FOXRED2: variants seen among roughly 807,000 people sequenced by gnomAD.
FOXRED2 encodes the protein FAD-dependent oxidoreductase domain-containing protein 2.
A neutral mutation model predicts 52.5 loss-of-function variants in FOXRED2; 32 were observed. That is an observed-to-expected ratio of 0.61 (90% CI 0.46 to 0.82). FOXRED2 has a LOEUF of 0.82. FOXRED2 is among the 40% of genes least tolerant of loss of function. The pLI, the probability that FOXRED2 is intolerant of heterozygous loss-of-function variation, is 0.00. For missense variants in FOXRED2, 848 were observed against 937.5 expected, an observed-to-expected ratio of 0.90 and a Z score of 1.25; for synonymous variants, 405 against 398.1, an observed-to-expected ratio of 1.02 and a Z score of -0.21.
chr22:36,506,173 G>A lies in FOXRED2; in HGVS notation c.250C>T (p.Arg84Trp), dbSNP rs752553560. 2.5e-6 allele frequency: 4 copies of A among 1,614,234 alleles called. No homozygotes were observed. Among genetic ancestry groups the A allele is most frequent in the South Asian group, 1.1e-5 (1 of 91,090 alleles). ...TCGGCGTTAGCCTTGCCCGTGTACC[G>A]CTTGTTGATGCTGATGAGCTTGCGG... Reference protein sequence around the residue: ...RHRKLISINKRYTGKANAEFN... With the variant: ...RHRKLISINKWYTGKANAEFN... The change falls in exon 2 of 9, where the codon CGG becomes TGG. Residue 84 changes from arginine (R) to tryptophan (W), a missense_variant. Coordinates refer to ENST00000397224, the MANE Select transcript of FOXRED2 (RefSeq NM_001102371.2).
chr22:36,493,005 T>C (rs1056263940), intron 8 of FOXRED2, among the ~76,000 whole-genome samples: 7 of 152,232 alleles, frequency 4.6e-5, no homozygotes, highest in Non-Finnish European at 8.8e-5. Context: ...TTGGAGGGTT[T>C]TGGCTCCCAG....
intron 7 of FOXRED2, among the ~76,000 whole-genome samples, chr22:36,495,296 CG>C (rs1048488763): frequency 1.3e-5 from 2 of 152,150 alleles, no homozygotes; most frequent in African/African-American, 4.8e-5. Flanking sequence ...GACCTGCACC[CG>C]TCACTGCTAC....
In FOXRED2 at chr22:36,487,209, T is replaced by A. The variant is rs1041734635; in HGVS notation, c.*2799A>T. On this transcript the variant is annotated 3_prime_UTR_variant, in exon 9 of 9. Transcript: ENST00000397224. ...CATACATTTTCTCAGCAAGGCAATT[T>A]TACTTCTATACAAGAGTGCGTCTCA... The A allele has an allele frequency of 6.6e-6, 1 of 152,258 alleles. No individual in the cohort carries two copies. 9.4% of individuals were successfully genotyped at this position (152,258 alleles called of 1,614,324 possible).
rs1934131003 is a variant in FOXRED2 at position 36,504,255 on chromosome 22, C to T, written c.892G>A (p.Val298Ile). 6.2e-7 allele frequency: 1 copy of T among 1,614,210 alleles called. No homozygotes were observed. Residue 298 changes from valine to isoleucine, a missense_variant, in exon 4 of 9, where the codon GTC (valine) becomes ATC (isoleucine). Coordinates refer to ENST00000397224, the MANE Select transcript of FOXRED2 (RefSeq NM_001102371.2). ...ILKDSKGKFH[V>I]TPKFFLEEAN... Reference sequence around the variant, plus strand: ...TCTTCCAGGAAGAATTTCGGGGTGACATGGAACTTGCCTTTGCTGTCCTTC... The same window carrying T: ...TCTTCCAGGAAGAATTTCGGGGTGATATGGAACTTGCCTTTGCTGTCCTTC...
Position 36,493,702 on chromosome 22 carries a change from C to A in FOXRED2, c.1726G>T (p.Gly576Trp). ...AAGCGCCTCAGAGGTAGGATGTGCCCGATCGGGGCAGTCCAGTCTGTTAAG... is the reference window on the plus strand; with the variant it reads ...AAGCGCCTCAGAGGTAGGATGTGCCAGATCGGGGCAGTCCAGTCTGTTAAG... ...DFLTDWTAPI[G>W]HILPLRRFLE... The change falls in exon 8 of 9, where the codon GGG (glycine) becomes TGG (tryptophan). Residue 576 changes from glycine to tryptophan, a missense_variant. Coordinates refer to ENST00000397224, the MANE Select transcript of FOXRED2 (RefSeq NM_001102371.2). 2 of 1,614,176 alleles carry A rather than the reference C, an allele frequency of 1.2e-6. No individual in the cohort carries two copies. Among genetic ancestry groups the A allele is most frequent in the Non-Finnish European group, 1.7e-6 (2 of 1,180,018 alleles).
chr22:36,490,048 G>A lies in FOXRED2; in HGVS notation c.2015C>T (p.Pro672Leu), dbSNP rs1356844806. 6 of 1,609,282 alleles carry A rather than the reference G, an allele frequency of 3.7e-6. No homozygotes were observed. The highest frequency in any genetic ancestry group is 4.2e-6 in the Non-Finnish European group (5 of 1,176,790). Residue 672 changes from proline to leucine, a missense_variant, in exon 9 of 9, where the codon CCT (proline) becomes CTT (leucine). By Grantham distance (98) the Pro-to-Leu change is moderately conservative. Transcript: ENST00000397224. ...GTTGCTATCGACGGACTGAGCCAGA[G>A]GCCCTGGAGCCAGGGGGGAACCTAG... Reference protein sequence around the residue: ...EPLGSPLAPGPLAQSVDSNKE... With the variant: ...EPLGSPLAPGLLAQSVDSNKE...
rs540812562 is a variant in FOXRED2 at position 36,489,651 on chromosome 22, G to T, written c.*357C>A. The T allele has an allele frequency of 1.4e-5, 3 of 211,668 alleles. No homozygotes were observed. The East Asian group carries it at 3.1e-4, about 22-fold the overall frequency. The allele number at this position is 211,668 out of a possible 1,614,324, so 13.1% of individuals were successfully genotyped here. ...CCCCTGTGAAGCACTCCACAGGCGG[G>T]ATGCAGGCCCATCTGAGGAGGGGCT... is the stretch of plus-strand genomic sequence containing the variant. On this transcript the variant is annotated 3_prime_UTR_variant, in exon 9 of 9. Coordinates refer to ENST00000397224, the MANE Select transcript of FOXRED2 (RefSeq NM_001102371.2).
intron 8 of FOXRED2, among the ~76,000 whole-genome samples, chr22:36,492,615 C>T (rs1933784414): frequency 1.3e-5 from 2 of 152,138 alleles, no homozygotes; most frequent in African/African-American, 2.4e-5. Context: ...CGGGTTCAAG[C>T]GATTCTCCTG....
In FOXRED2 at chr22:36,489,721, C is replaced by G. The variant is rs1933699036; in HGVS notation, c.*287G>C. 2 of 350,134 alleles carry G rather than the reference C, an allele frequency of 5.7e-6. No homozygotes were observed. The highest frequency in any genetic ancestry group is 4.4e-5 in the Admixed American group (1 of 22,502). 21.7% of individuals were successfully genotyped at this position (350,134 alleles called of 1,614,324 possible). A position where few individuals can be genotyped will look rare whatever the true frequency, so the allele number is the denominator to read the frequency against. ...TGAGACGGGGCAGAACTGGGCTGGC[C>G]TGGGGCTCAGCGACAGCTCCATTGC... is the stretch of plus-strand genomic sequence containing the variant. On this transcript the variant is annotated 3_prime_UTR_variant, in exon 9 of 9. Transcript: ENST00000397224.
At chr22:36,505,814 C>A in intron 2 of FOXRED2, 82 bp downstream of exon 2, 1 of 1,430,938 alleles carries the variant, frequency 7.0e-7, no homozygotes, top group East Asian at 2.3e-5. Context: ...CCATTCCTCC[C>A]ATACCTACTG....
Position 36,506,292 on chromosome 22 carries a change from T to C in FOXRED2, c.131A>G (p.Gln44Arg), listed in dbSNP as rs1363512072. Residue 44 changes from glutamine (Q) to arginine (R), a missense_variant, in exon 2 of 9, where the codon CAG becomes CGG. By Grantham distance (43) the Gln-to-Arg change is conservative. Coordinates refer to ENST00000397224, the MANE Select transcript of FOXRED2 (RefSeq NM_001102371.2). ...CVLGAGPAGLQMAYFLQRAGR... is the reference protein window; with the variant it reads ...CVLGAGPAGLRMAYFLQRAGR... ...AGCGCGCTGCAGGAAGTAGGCCATCTGCAGGCCCGCGGGCCCAGCGCCCAG... is the reference window on the plus strand; with the variant it reads ...AGCGCGCTGCAGGAAGTAGGCCATCCGCAGGCCCGCGGGCCCAGCGCCCAG... 2 of 1,589,278 alleles carry C rather than the reference T, an allele frequency of 1.3e-6. No individual in the cohort carries two copies. The highest frequency in any genetic ancestry group is 1.7e-6 in the Non-Finnish European group (2 of 1,168,742).
At position 36,489,765 on chromosome 22, in the gene FOXRED2, A is replaced by T. The variant is rs1933700103; in HGVS notation, c.*243T>A. On this transcript the variant is annotated 3_prime_UTR_variant, in exon 9 of 9. Coordinates refer to ENST00000397224, the MANE Select transcript of FOXRED2 (RefSeq NM_001102371.2). ...CCATTGCAGACAAACTGGGCTGGGG[A>T]AGGCAGCTCCCACCTGGCAGAGGAT... is the stretch of plus-strand genomic sequence containing the variant. 2.3e-6 allele frequency: 1 copy of T among 433,346 alleles called. No homozygotes were observed. Among genetic ancestry groups the T allele is most frequent in the South Asian group, 4.3e-5 (1 of 23,026 alleles). The allele number at this position is 433,346 out of a possible 1,614,324, so 26.8% of individuals were successfully genotyped here.
chr22:36,493,066 C>T (rs1259142970), intron 8 of FOXRED2, among the ~76,000 whole-genome samples: 2 of 152,212 alleles, frequency 1.3e-5, no homozygotes, highest in African/African-American at 4.8e-5. Context: ...ACAGGCCTCC[C>T]ATCCTGCTCC....
Position 36,504,232 on chromosome 22 carries a change from T to C in FOXRED2, c.915A>G (p.Glu305=), listed in dbSNP as rs760841639. 2 of 1,614,202 alleles carry C rather than the reference T, an allele frequency of 1.2e-6. No individual in the cohort carries two copies. Among genetic ancestry groups the C allele is most frequent in the African/African-American group, 1.3e-5 (1 of 75,060 alleles). Residue 305 remains glutamate (E), a synonymous_variant, in exon 4 of 9, where the codon GAA becomes GAG. Transcript: ENST00000397224. Reference sequence around the variant, plus strand: ...CGGCACTCTGGTTGGTGTTGGCTTCTTCCAGGAAGAATTTCGGGGTGACAT... The same window carrying C: ...CGGCACTCTGGTTGGTGTTGGCTTCCTCCAGGAAGAATTTCGGGGTGACAT... The part of the protein sequence containing the change: ...KFHVTPKFFL[E]EANTNQSADS...
chr22:36,493,133 G>C (rs2145841183), intron 8 of FOXRED2, among the ~76,000 whole-genome samples: 1 of 152,300 alleles, frequency 6.6e-6, no homozygotes, highest in Admixed American at 6.5e-5. Flanking sequence ...GCCTGGCCCT[G>C]CTAATCCTTT....
intron 5 of FOXRED2, 137 bp from the exon 6 acceptor site, chr22:36,498,293 T>G (rs1045708334): frequency 5.7e-5 from 54 of 952,354 alleles, no homozygotes; most frequent in Non-Finnish European, 5.9e-5. Flanking sequence ...AACGCCTAGG[T>G]GGTGAACACA....
chr22:36,506,302 C>CGGGCCCA lies in FOXRED2; in HGVS notation c.114_120dup (p.Ala41TrpfsTer52). The CGGGCCCA allele has an allele frequency of 6.4e-7, 1 of 1,567,032 alleles. No homozygotes were observed. The highest frequency in any genetic ancestry group is 8.6e-7 in the Non-Finnish European group (1 of 1,159,312). Reference sequence around the variant, plus strand: ...AGGAAGTAGGCCATCTGCAGGCCCGCGGGCCCAGCGCCCAGCACGCAGTAG... The same window carrying CGGGCCCA: ...AGGAAGTAGGCCATCTGCAGGCCCGCGGGCCCAGGGCCCAGCGCCCAGCACGCAGTAG... On this transcript the variant is annotated frameshift_variant, in exon 2 of 9. Coordinates refer to ENST00000397224, the MANE Select transcript of FOXRED2 (RefSeq NM_001102371.2). LOFTEE classifies it high-confidence loss of function.
intron 8 of FOXRED2, among the ~76,000 whole-genome samples, chr22:36,492,983 C>G (rs548237049): frequency 6.6e-6 from 1 of 152,350 alleles, no homozygotes; most frequent in South Asian, 2.1e-4. Context: ...TGCATGTCAT[C>G]TATCTCCTCC....
At position 36,504,238 on chromosome 22, in the gene FOXRED2, G is replaced by A; in HGVS notation, c.909C>T (p.Phe303=). ...TCTGGTTGGTGTTGGCTTCTTCCAG[G>A]AAGAATTTCGGGGTGACATGGAACT... ...KGKFHVTPKF[F]LEEANTNQSA... Residue 303 remains phenylalanine, a synonymous_variant, in exon 4 of 9, where the codon TTC becomes TTT. Coordinates refer to ENST00000397224, the MANE Select transcript of FOXRED2 (RefSeq NM_001102371.2). 1 of 1,614,210 alleles carries A rather than the reference G, an allele frequency of 6.2e-7. No homozygotes were observed. The highest frequency in any genetic ancestry group is 8.5e-7 in the Non-Finnish European group (1 of 1,180,032).
Sources: allele counts gnomAD v4.1 joint callset (sites outside exome capture counted in the v4.1 genomes callset), GRCh38; gene constraint gnomAD v4.1.1; transcripts MANE v1.5; gene names NCBI Gene and HGNC (gene_info 2026-07-23, HGNC 2026-07-21).